The following TRAF3IP2 variants were observed in gnomAD, a reference collection of about 807,000 sequenced individuals.
TRAF3IP2 encodes the protein TRAF3 interacting protein 2, also known as E3 ubiquitin ligase TRAF3IP2.
In TRAF3IP2, 35 loss-of-function variants were observed where a neutral mutation model predicts 57.9. The ratio of observed to expected loss-of-function variants is 0.60; its 90% CI spans 0.46 to 0.80. The LOEUF (loss-of-function observed/expected upper bound fraction) is 0.80, where lower values mean the gene tolerates loss of function less well. TRAF3IP2 is among the 30% of genes least tolerant of loss of function. The pLI is 0.00. For synonymous variants in TRAF3IP2, 251 were observed against 268.9 expected, an observed-to-expected ratio of 0.93 and a Z score of 0.65; for missense variants, 556 against 706.4, an observed-to-expected ratio of 0.79 and a Z score of 2.41.
chr6:111,605,679 G>A (rs1439272111), intron 1 of TRAF3IP2, 97 bp downstream of exon 1: 1 of 152,356 alleles, frequency 6.6e-6, no homozygotes, highest in African/African-American at 2.4e-5. Context: ...GGAAAGTAGA[G>A]GCAGAATGTT....
intron 1 of TRAF3IP2, chr6:111,601,315 G>T: frequency 1.5e-6 from 1 of 647,110 alleles, no homozygotes. Context: ...GGCTGCAGAG[G>T]CATCTTGATT....
At chr6:111,595,322 T>A (rs1393666219) in intron 1 of TRAF3IP2, among the ~76,000 whole-genome samples, 1 of 152,206 alleles carries the variant, frequency 6.6e-6, no homozygotes, top group East Asian at 1.9e-4. Context: ...AAACAACTTC[T>A]AATAAAACTA....
intron 3 of TRAF3IP2, among the ~76,000 whole-genome samples, chr6:111,579,743 AG>A: frequency 6.6e-6 from 1 of 152,230 alleles, no homozygotes; most frequent in Non-Finnish European, 1.5e-5. Context: ...AAAAAAGAAA[AG>A]AACAGGTAAT....
chr6:111,597,638 A>G (rs772852846), intron 1 of TRAF3IP2, among the ~76,000 whole-genome samples: 8 of 152,158 alleles, frequency 5.3e-5, no homozygotes, highest in Non-Finnish European at 1.2e-4. Context: ...TCAGTATCTC[A>G]CCATTGTATT....
intron 1 of TRAF3IP2, among the ~76,000 whole-genome samples, chr6:111,603,880 C>G (rs1168310378): frequency 6.6e-6 from 1 of 152,238 alleles, no homozygotes; most frequent in Non-Finnish European, 1.5e-5. Flanking sequence ...TCTTTTGATG[C>G]TCCATCATGG....
At chr6:111,580,652 C>CA (rs1562427534) in intron 2 of TRAF3IP2, among the ~76,000 whole-genome samples, 1 of 152,154 alleles carries the variant, frequency 6.6e-6, no homozygotes, top group East Asian at 1.9e-4. Context: ...AAAAACTTTT[C>CA]AAAAAACTCT....
chr6:111,566,416 G>T (rs1795635431), intron 7 of TRAF3IP2, 28 bp downstream of exon 7: 1 of 1,538,762 alleles, frequency 6.5e-7, no homozygotes, highest in South Asian at 1.1e-5. Context: ...AGGGGACAGT[G>T]AGGTGTTGTG....
chr6:111,592,320 T>C (rs1257130137), intron 1 of TRAF3IP2, among the ~76,000 whole-genome samples: 1 of 152,226 alleles, frequency 6.6e-6, no homozygotes, highest in Non-Finnish European at 1.5e-5. Flanking sequence ...AGAATGTGAT[T>C]GGACCATCCT....
intron 2 of TRAF3IP2, among the ~76,000 whole-genome samples, chr6:111,586,772 T>C (rs1452996172): frequency 6.6e-6 from 1 of 152,200 alleles, no homozygotes; most frequent in Admixed American, 6.5e-5. Context: ...AGTGCAGTTA[T>C]AGCCCTGACA....
intron 5 of TRAF3IP2, among the ~76,000 whole-genome samples, chr6:111,571,038 C>T (rs1268062946): frequency 6.6e-6 from 1 of 151,714 alleles, no homozygotes; most frequent in Non-Finnish European, 1.5e-5. Flanking sequence ...TCCCAAGTAG[C>T]TGGGACTACA....
chr6:111,588,949 A>G (rs1265352653), intron 2 of TRAF3IP2, among the ~76,000 whole-genome samples: 1 of 152,146 alleles, frequency 6.6e-6, no homozygotes, highest in Non-Finnish European at 1.5e-5. Context: ...ATATGTCAAA[A>G]CCCTAATAAG....
Position 111,558,240 on chromosome 6 carries a change from G to A in TRAF3IP2, c.*1165C>T, listed in dbSNP as rs950095169. The A allele has an allele frequency of 1.3e-5, 2 of 152,112 alleles. No homozygotes were observed. Among genetic ancestry groups the A allele is most frequent in the African/African-American group, 4.8e-5 (2 of 41,418 alleles). The allele number at this position is 152,112 out of a possible 1,614,324, so 9.4% of individuals were successfully genotyped here. On this transcript the variant is annotated 3_prime_UTR_variant, in exon 9 of 9. Coordinates refer to ENST00000368761, the MANE Select transcript of TRAF3IP2 (RefSeq NM_147686.4). The stretch of plus-strand genomic sequence containing the variant: ...AAGAAAAGTTAAAGGACTTGCTAAA[G>A]GTCATACAGCTAATTGGTGGTAGAA...
intron 1 of TRAF3IP2, among the ~76,000 whole-genome samples, chr6:111,599,722 C>T (rs1052037602): frequency 6.6e-6 from 1 of 152,164 alleles, no homozygotes; most frequent in African/African-American, 2.4e-5. Flanking sequence ...CACCAAAAAG[C>T]TTTTCCTCCC....
At chr6:111,572,429 C>T (rs918401276) in intron 5 of TRAF3IP2, among the ~76,000 whole-genome samples, 1 of 152,200 alleles carries the variant, frequency 6.6e-6, no homozygotes, top group Non-Finnish European at 1.5e-5. Context: ...ATGGGGGATT[C>T]AGGCTGCAGG....
chr6:111,583,423 T>C (rs1796223964), intron 2 of TRAF3IP2, among the ~76,000 whole-genome samples: 1 of 152,174 alleles, frequency 6.6e-6, no homozygotes, highest in South Asian at 2.1e-4. Context: ...TGAAGCTCTG[T>C]CTGTATTTAC....
At chr6:111,596,296 T>C (rs1009956755) in intron 1 of TRAF3IP2, among the ~76,000 whole-genome samples, 1 of 152,192 alleles carries the variant, frequency 6.6e-6, no homozygotes. Context: ...ATTTTCTCTT[T>C]TCTTTTTCTT....
intron 2 of TRAF3IP2, among the ~76,000 whole-genome samples, chr6:111,589,612 C>T (rs1172815585): frequency 2.0e-5 from 3 of 152,100 alleles, no homozygotes; most frequent in African/African-American, 4.8e-5. Flanking sequence ...TTATACACCA[C>T]GTCCCAGTTT....
At chr6:111,560,215 A>G (rs1216045583) in intron 8 of TRAF3IP2, among the ~76,000 whole-genome samples, 1 of 152,172 alleles carries the variant, frequency 6.6e-6, no homozygotes, top group African/African-American at 2.4e-5. Context: ...TGCTTAGGAG[A>G]GGTCTCACTG....
Position 111,556,193 on chromosome 6 carries a change from CGTGTGT to C in TRAF3IP2, c.*3206_*3211del, listed in dbSNP as rs373509113. Among the ~76,000 whole-genome samples, 24 of 150,508 alleles carry C rather than the reference CGTGTGT, an allele frequency of 1.6e-4. No homozygotes were observed. Among genetic ancestry groups the C allele is most frequent in the Non-Finnish European group, 3.1e-4 (21 of 67,738 alleles). On this transcript the variant is annotated 3_prime_UTR_variant, in exon 9 of 9. Transcript: ENST00000368761. ...CAAGCTTTTGTCACTTGGCCAAGTG[CGTGTGT>C]GTGTGTATGTGTGCGTGTGTGTGTG...
Sources: gnomAD v4.1 joint callset for allele counts (sites outside exome capture counted in the v4.1 genomes callset) on GRCh38, gnomAD v4.1.1 for gene constraint, MANE v1.5 for transcripts, NCBI Gene and HGNC (gene_info 2026-07-23, HGNC 2026-07-21) for gene names.